The following EVL variants were observed in gnomAD, a reference collection of about 807,000 sequenced individuals.
EVL encodes Enah/Vasp-like, also known as ena/VASP-like protein.
Under a neutral mutation model 59.6 loss-of-function variants are expected in EVL, and 21 were observed. That is an observed-to-expected ratio of 0.35 (90% CI 0.25 to 0.51). The LOEUF (loss-of-function observed/expected upper bound fraction) is 0.51. Ranked by LOEUF, EVL falls within the 20% of genes least tolerant of loss-of-function variation. The pLI, the probability that EVL is intolerant of heterozygous loss-of-function variation, is 0.97. For synonymous variants in EVL, 198 were observed against 203.5 expected (o/e 0.97, Z 0.23); for missense variants, 462 against 546.6 (o/e 0.85, Z 1.54).
At chr14:100,070,403 A>G (rs557116617) in intron 1 of EVL, among the ~76,000 whole-genome samples, 1 of 152,316 alleles carries the variant, frequency 6.6e-6, no homozygotes, top group East Asian at 1.9e-4. Context: ...ACTTGTCCCA[A>G]TTTGCAGAGT....
At chr14:99,977,828 G>A (rs954204259) in intron 1 of EVL, among the ~76,000 whole-genome samples, 1 of 151,658 alleles carries the variant, frequency 6.6e-6, no homozygotes, top group African/African-American at 2.4e-5. Context: ...GGGCACGGTG[G>A]TTCATGCCTG....
In EVL at chr14:100,137,741, A is replaced by G; in HGVS notation, c.1033A>G (p.Thr345Ala). The G allele has an allele frequency of 6.2e-7, 1 of 1,613,710 alleles. No individual in the cohort carries two copies. Among genetic ancestry groups the G allele is most frequent in the Non-Finnish European group, 8.5e-7 (1 of 1,179,940 alleles). The part of the protein sequence containing the change: ...EKPVSSILSR[T>A]PSVAKSPEAK... ...GTCTGTTTCATTCCATTGCCGTAGA[A>G]CCCCGTCTGTGGCAAAGAGCCCCGA... is the stretch of plus-strand genomic sequence containing the variant. The change falls in exon 11 of 14, where the codon ACC (threonine) becomes GCC (alanine). Residue 345 changes from threonine to alanine, a missense_variant and splice_region_variant. By Grantham distance (58) the Thr-to-Ala change is moderately conservative (BLOSUM62 0). Coordinates refer to ENST00000392920, the MANE Select transcript of EVL (RefSeq NM_016337.3).
intron 1 of EVL, among the ~76,000 whole-genome samples, chr14:100,021,160 C>T (rs1386118543): frequency 6.6e-6 from 1 of 152,224 alleles, no homozygotes; most frequent in African/African-American, 2.4e-5. Flanking sequence ...TGAAGTACCC[C>T]TGTCTACCCT....
At chr14:100,028,277 A>T (rs2061253916) in intron 1 of EVL, among the ~76,000 whole-genome samples, 1 of 151,434 alleles carries the variant, frequency 6.6e-6, no homozygotes, top group Admixed American at 6.6e-5. Flanking sequence ...TGTCTTTTTG[A>T]TAAAACTGTG....
At chr14:100,025,171 C>A (rs2061190244) in intron 1 of EVL, among the ~76,000 whole-genome samples, 1 of 152,158 alleles carries the variant, frequency 6.6e-6, no homozygotes, top group Admixed American at 6.5e-5. Flanking sequence ...TCAAACCACC[C>A]ACCTCCCCTC....
intron 1 of EVL, among the ~76,000 whole-genome samples, chr14:100,050,260 T>A (rs926486709): frequency 6.6e-6 from 1 of 152,210 alleles, no homozygotes; most frequent in Non-Finnish European, 1.5e-5. Context: ...TAAACATATA[T>A]AACTTTAAAA....
intron 1 of EVL, among the ~76,000 whole-genome samples, chr14:100,068,378 G>A (rs963117305): frequency 3.9e-5 from 6 of 152,366 alleles, no homozygotes; most frequent in South Asian, 2.1e-4. Context: ...CAAAGCCTGC[G>A]AGCTGTGCTG....
chr14:100,081,327 A>T (rs1427988382), intron 1 of EVL, among the ~76,000 whole-genome samples: 1 of 152,190 alleles, frequency 6.6e-6, no homozygotes, highest in Non-Finnish European at 1.5e-5. Context: ...AAAAAATTTC[A>T]AAGGTATAAT....
intron 2 of EVL, among the ~76,000 whole-genome samples, chr14:100,096,510 T>C (rs754997162): frequency 6.6e-6 from 1 of 152,062 alleles, no homozygotes; most frequent in Non-Finnish European, 1.5e-5. Context: ...ACTGTGAGGG[T>C]GCCATGCCAT....
chr14:100,107,406 G>C lies in EVL; in HGVS notation c.358+9748G>C, dbSNP rs565723158. The C allele has an allele frequency of 1.8e-5, 7 of 397,872 alleles. No individual in the cohort carries two copies. The East Asian group carries it at 1.8e-4, about 10-fold the overall frequency. 24.6% of individuals were successfully genotyped at this position (397,872 alleles called of 1,614,324 possible). A position where few individuals can be genotyped will look rare whatever the true frequency, so the allele number is the denominator to read the frequency against. Reference sequence around the variant, plus strand: ...CCAGTGAGTGGGAGCCAGGGAAGGAGGCTTGGGTGTCATGAGACTGGGTTT... The same window carrying C: ...CCAGTGAGTGGGAGCCAGGGAAGGACGCTTGGGTGTCATGAGACTGGGTTT... On this transcript the variant is annotated intron_variant, in intron 3 of 13. Coordinates refer to ENST00000392920, the MANE Select transcript of EVL (RefSeq NM_016337.3).
At chr14:100,137,713 CAT>C (rs747732098) in intron 10 of EVL, 25 bp from the exon 11 acceptor site, 50 of 1,613,948 alleles carry the variant, frequency 3.1e-5, no homozygotes, top group Admixed American at 6.7e-5. Context: ...CGCCGATTCA[CAT>C]GTCTGTTTCA....
At chr14:100,025,989 G>A (rs2061203968) in intron 1 of EVL, among the ~76,000 whole-genome samples, 1 of 152,046 alleles carries the variant, frequency 6.6e-6, no homozygotes, top group African/African-American at 2.4e-5. Context: ...AGTGGCTCAC[G>A]CTTGTAATCC....
At chr14:100,129,492 C>T in intron 6 of EVL, 71 bp from the exon 7 acceptor site, 2 of 1,601,232 alleles carry the variant, frequency 1.2e-6, no homozygotes, top group East Asian at 2.2e-5. Flanking sequence ...CCCCTGCATC[C>T]CCTCACATCG....
In EVL at chr14:100,043,229, A is replaced by G. The variant is rs151265188; in HGVS notation, c.6-41458A>G. 2.1e-3 allele frequency among the ~76,000 whole-genome samples: 325 copies of G among 151,858 alleles called. 1 individual carries two copies. The highest frequency in any genetic ancestry group is 3.5e-3 in the Non-Finnish European group (236 of 67,916). ...ACCAATAGGAGATAGATATATATAT[A>G]TGTATGTGTGTGTGTGTATATATAT... On this transcript the variant is annotated intron_variant, in intron 1 of 13. Transcript: ENST00000402714.
chr14:100,056,004 G>A (rs970946684), intron 1 of EVL, among the ~76,000 whole-genome samples: 1 of 151,956 alleles, frequency 6.6e-6, no homozygotes, highest in Non-Finnish European at 1.5e-5. Flanking sequence ...TAGAGACAAG[G>A]TTTCACCATG....
chr14:100,071,578 A>G (rs2062049420), intron 1 of EVL, among the ~76,000 whole-genome samples: 1 of 152,240 alleles, frequency 6.6e-6, no homozygotes, highest in African/African-American at 2.4e-5. Flanking sequence ...GGATAGACTT[A>G]ACCTACATAA....
chr14:100,137,288 C>T lies in EVL; in HGVS notation c.965-290C>T, dbSNP rs377341926. On this transcript the variant is annotated intron_variant, in intron 9 of 13. Transcript: ENST00000392920. ...GATGTCCGGGGAGGTCGTGCTTGCT[C>T]GCCCTGTGGCTCTAGTCACTGGGTC... The T allele has an allele frequency of 3.9e-3, 1,886 of 483,928 alleles. 10 individuals carry two copies. Among genetic ancestry groups the T allele is most frequent in the South Asian group, 6.5e-3 (279 of 42,686 alleles). The allele number at this position is 483,928 out of a possible 1,614,324, so 30.0% of individuals were successfully genotyped here.
In EVL at chr14:100,019,652, C is replaced by G. The variant is rs916440790; in HGVS notation, c.5+47595C>G. ...CTACCACACAATCTAAGGAAATTGTCTCTGACTAGGTCATGTTTGCATTTG... is the reference window on the plus strand; with the variant it reads ...CTACCACACAATCTAAGGAAATTGTGTCTGACTAGGTCATGTTTGCATTTG... On this transcript the variant is annotated intron_variant, in intron 1 of 13. Coordinates refer to the EVL transcript ENST00000402714. The G allele has an allele frequency of 2.0e-6, 3 of 1,532,774 alleles. No individual in the cohort carries two copies. The East Asian group carries it at 7.4e-5, about 38-fold the overall frequency. 94.9% of individuals were successfully genotyped at this position (1,532,774 alleles called of 1,614,324 possible).
intron 1 of EVL, among the ~76,000 whole-genome samples, chr14:99,993,392 T>C (rs1191010): frequency 0.36 from 54,427 of 151,966 alleles, 13,580 homozygotes; most frequent in African/African-American, 0.71. Flanking sequence ...GAATTCAGTT[T>C]GTTAGTATTT....
Sources: allele counts gnomAD v4.1 joint callset (sites outside exome capture counted in the v4.1 genomes callset), GRCh38; gene constraint gnomAD v4.1.1; transcripts MANE v1.5; gene names NCBI Gene and HGNC (gene_info 2026-07-23, HGNC 2026-07-21).